Variants in NCAPH observed in about 807,000 individuals in gnomAD.
NCAPH encodes non-SMC condensin I complex subunit H, also known as condensin complex subunit 2.
Under a neutral mutation model 85.5 loss-of-function variants are expected in NCAPH, and 38 were observed. The ratio of observed to expected loss-of-function variants is 0.44; its 90% CI spans 0.34 to 0.58. The LOEUF (loss-of-function observed/expected upper bound fraction) is 0.58, where lower values mean the gene tolerates loss of function less well. NCAPH is among the 20% of genes least tolerant of loss of function. The pLI, the probability that NCAPH is intolerant of heterozygous loss-of-function variation, is 0.01. For synonymous variants in NCAPH, 301 were observed against 335.1 expected, an observed-to-expected ratio of 0.90 and a Z score of 1.11; for missense variants, 789 against 916.6, an observed-to-expected ratio of 0.86 and a Z score of 1.80.
Position 96,375,846 on chromosome 2 carries a change from C to A in NCAPH, c.*2495C>A, listed in dbSNP as rs1044939771. Reference sequence around the variant, plus strand: ...ATAGTCTAAGCAGCAGGACGAAGGACTGGGGGAAAAGAGAACTGCTGCTCC... The same window carrying A: ...ATAGTCTAAGCAGCAGGACGAAGGAATGGGGGAAAAGAGAACTGCTGCTCC... On this transcript the variant is annotated 3_prime_UTR_variant, in exon 18 of 18. Coordinates refer to ENST00000240423, the MANE Select transcript of NCAPH (RefSeq NM_015341.5). 4.6e-5 allele frequency among the ~76,000 whole-genome samples: 7 copies of A among 152,048 alleles called. No individual in the cohort carries two copies. Among genetic ancestry groups the A allele is most frequent in the Non-Finnish European group, 7.4e-5 (5 of 68,014 alleles).
chr2:96,376,555 T>C lies in NCAPH; in HGVS notation c.*3204T>C, dbSNP rs1239364059. Among the ~76,000 whole-genome samples, 2 of 152,194 alleles carry C rather than the reference T, an allele frequency of 1.3e-5. No homozygotes were observed. The highest frequency in any genetic ancestry group is 2.9e-5 in the Non-Finnish European group (2 of 68,032). ...GGTAACACTTTGGTGCCCTAGAAAT[T>C]CTGCTGTGGTGCAACTATAGTGGAT... On this transcript the variant is annotated 3_prime_UTR_variant, in exon 18 of 18. Transcript: ENST00000240423.
intron 1 of NCAPH, among the ~76,000 whole-genome samples, chr2:96,336,896 A>G (rs2064221847): frequency 6.6e-6 from 1 of 152,240 alleles, no homozygotes; most frequent in Admixed American, 6.5e-5. Flanking sequence ...ACAGTGGTAT[A>G]GGAAGAAGCC....
At chr2:96,337,412 GTTGTTTT>G (rs929037330) in intron 1 of NCAPH, among the ~76,000 whole-genome samples, 7 of 152,044 alleles carry the variant, frequency 4.6e-5, no homozygotes, top group Admixed American at 2.6e-4. Context: ...TTTTTACTTT[GTTGTTTT>G]TTGTTTTTTG....
intron 12 of NCAPH, among the ~76,000 whole-genome samples, chr2:96,361,759 T>TATATATAC (rs1308487779): frequency 4.5e-5 from 6 of 132,314 alleles, no homozygotes; most frequent in South Asian, 3.3e-4. Flanking sequence ...GATATATATA[T>TATATATAC]ATATATATAC....
intron 6 of NCAPH, among the ~76,000 whole-genome samples, chr2:96,346,856 G>T (rs2064367888): frequency 1.3e-5 from 2 of 152,128 alleles, no homozygotes; most frequent in African/African-American, 4.8e-5. Context: ...CTGTCTTGGA[G>T]TCCTGGGTTT....
At chr2:96,369,637 A>G in intron 17 of NCAPH, 137 bp downstream of exon 17, 1 of 835,186 alleles carries the variant, frequency 1.2e-6, no homozygotes, top group Non-Finnish European at 1.9e-6. Flanking sequence ...TTCAACCCAA[A>G]TGATTAGCCA....
intron 12 of NCAPH, among the ~76,000 whole-genome samples, chr2:96,362,402 G>A (rs1443830648): frequency 2.6e-5 from 4 of 152,098 alleles, no homozygotes; most frequent in African/African-American, 4.8e-5. Flanking sequence ...GGCCGAGGTG[G>A]GTGGATCGCT....
At chr2:96,348,999 G>A (rs1175978716) in intron 6 of NCAPH, among the ~76,000 whole-genome samples, 2 of 152,070 alleles carry the variant, frequency 1.3e-5, no homozygotes, top group South Asian at 2.1e-4. Flanking sequence ...CAAATCAATC[G>A]GATTATTAAG....
chr2:96,357,341 A>T (rs190954089), intron 9 of NCAPH, among the ~76,000 whole-genome samples: 1 of 152,258 alleles, frequency 6.6e-6, no homozygotes, highest in Admixed American at 6.5e-5. Context: ...TGAAAAATGG[A>T]TAGACTATTT....
Position 96,339,747 on chromosome 2 carries a change from G to A in NCAPH, c.20-1895G>A, listed in dbSNP as rs534395570. Among the ~76,000 whole-genome samples the A allele has an allele frequency of 4.4e-4, 67 of 152,066 alleles. 2 individuals are homozygous for A. The highest frequency in any genetic ancestry group is 2.2e-4 in the Non-Finnish European group (15 of 67,986). ...TTTGTCAAGATCACTAGTAACCCTA[G>A]GTTCTAAATCCAATGATCAGTTCTC... On this transcript the variant is annotated intron_variant, in intron 1 of 17. Coordinates refer to ENST00000240423, the MANE Select transcript of NCAPH (RefSeq NM_015341.5).
rs546388101 is a variant in NCAPH, at chr2:96,370,941, C to T, written c.2166+1441C>T. ...GCAGTAAGGCGGTGACCGGTGACTGCGGAGAGAGGACATGCCCTGTTCACA... is the reference window on the plus strand; with the variant it reads ...GCAGTAAGGCGGTGACCGGTGACTGTGGAGAGAGGACATGCCCTGTTCACA... On this transcript the variant is annotated intron_variant, in intron 17 of 17. Coordinates refer to ENST00000240423, the MANE Select transcript of NCAPH (RefSeq NM_015341.5). Among the ~76,000 whole-genome samples, 3 of 152,106 alleles carry T rather than the reference C, an allele frequency of 2.0e-5. No homozygotes were observed. In the South Asian group the frequency reaches 6.2e-4, roughly 32 times the overall value.
In NCAPH at chr2:96,361,781, T is replaced by C. The variant is rs1459360377; in HGVS notation, c.1587+1071T>C. On this transcript the variant is annotated intron_variant, in intron 12 of 17. Coordinates refer to ENST00000240423, the MANE Select transcript of NCAPH (RefSeq NM_015341.5). ...ATATATATATATACATATATATATA[T>C]ACACATATATATGTATATATATGTG... is the stretch of plus-strand genomic sequence containing the variant. Among the ~76,000 whole-genome samples, 168 of 135,298 alleles carry C rather than the reference T, an allele frequency of 1.2e-3. 2 individuals carry two copies. The highest frequency in any genetic ancestry group is 1.5e-3 in the Non-Finnish European group (96 of 63,948). 88.8% of individuals were successfully genotyped at this position (135,298 alleles called of 152,430 possible). A position where few individuals can be genotyped will look rare whatever the true frequency, so the allele number is the denominator to read the frequency against.
At chr2:96,365,575 T>C (rs2064685777) in intron 13 of NCAPH, among the ~76,000 whole-genome samples, 1 of 152,182 alleles carries the variant, frequency 6.6e-6, no homozygotes, top group South Asian at 2.1e-4. Flanking sequence ...GAGGAATGTT[T>C]CTGTAAAATG....
rs546586231 is a variant in NCAPH, at chr2:96,356,461, C to T, written c.1208+2073C>T. On this transcript the variant is annotated intron_variant, in intron 9 of 17. Coordinates refer to ENST00000240423, the MANE Select transcript of NCAPH (RefSeq NM_015341.5). The stretch of plus-strand genomic sequence containing the variant: ...TCCTTATTCTTTGTGCAAGATGCTG[C>T]GCCAGGTGCCTTATGTGTGTTATTT... 1.3e-4 allele frequency among the ~76,000 whole-genome samples: 20 copies of T among 152,294 alleles called. No homozygotes were observed. In the East Asian group the frequency reaches 1.3e-3, roughly 10 times the overall value.
intron 1 of NCAPH, among the ~76,000 whole-genome samples, chr2:96,336,800 A>G (rs2064220662): frequency 6.6e-6 from 1 of 152,204 alleles, no homozygotes; most frequent in Admixed American, 6.5e-5. Flanking sequence ...CCATGGGAAC[A>G]GGTGAGAACA....
At chr2:96,367,413 G>A (rs377696463) in intron 15 of NCAPH, 40 bp downstream of exon 15, 32 of 1,468,416 alleles carry the variant, frequency 2.2e-5, no homozygotes, top group African/African-American at 8.4e-5. Flanking sequence ...CCCAGCATGC[G>A]GGAGGGGAGT....
At chr2:96,354,675 G>A (rs1187746956) in intron 9 of NCAPH, among the ~76,000 whole-genome samples, 1 of 152,134 alleles carries the variant, frequency 6.6e-6, no homozygotes, top group Admixed American at 6.5e-5. Context: ...TTTGATGTCT[G>A]ATTGGCTGGG....
Position 96,354,251 on chromosome 2 carries a change from C to G in NCAPH, c.1071C>G (p.Asp357Glu), listed in dbSNP as rs771154917. The G allele has an allele frequency of 3.1e-6, 5 of 1,614,018 alleles. No individual in the cohort carries two copies. The highest frequency in any genetic ancestry group is 4.2e-6 in the Non-Finnish European group (5 of 1,180,006). ...DQVFDINAEV[D>E]ESDCGDFPDG... is the part of the protein sequence containing the mutation. ...TATTTGACATCAATGCTGAAGTTGACGAGAGTGACTGTGGAGACTTCCCCG... is the reference window on the plus strand; with the variant it reads ...TATTTGACATCAATGCTGAAGTTGAGGAGAGTGACTGTGGAGACTTCCCCG... Residue 357 changes from aspartate to glutamate, a missense_variant, in exon 9 of 18, where the codon GAC (aspartate) becomes GAG (glutamate). Transcript: ENST00000240423.
chr2:96,337,854 G>A (rs2064235707), intron 1 of NCAPH, among the ~76,000 whole-genome samples: 1 of 152,106 alleles, frequency 6.6e-6, no homozygotes. Context: ...AACCACAGAT[G>A]CCTGGCAAAG....
Sources: allele counts gnomAD v4.1 joint callset (sites outside exome capture counted in the v4.1 genomes callset), GRCh38; gene constraint gnomAD v4.1.1; transcripts MANE v1.5; gene names NCBI Gene and HGNC (gene_info 2026-07-23, HGNC 2026-07-21).